MGMT: variants seen among roughly 807,000 people sequenced by gnomAD.
MGMT encodes methylated-DNA--protein-cysteine methyltransferase.
A neutral mutation model predicts 15.9 loss-of-function variants in MGMT; 14 were observed. That is an observed-to-expected ratio of 0.88 (90% CI 0.58 to 1.37). The LOEUF (loss-of-function observed/expected upper bound fraction) is 1.37, where lower values mean the gene tolerates loss of function less well. Among genes scored for constraint, MGMT ranks in the 40% most tolerant of loss-of-function variants. The pLI is 0.00. For synonymous variants in MGMT, 130 were observed against 118.2 expected (o/e 1.10, Z -0.65); for missense variants, 282 against 268.1 (o/e 1.05, Z -0.36).
At chr10:129,624,717 C>T (rs755151392) in intron 2 of MGMT, among the ~76,000 whole-genome samples, 6 of 152,320 alleles carry the variant, frequency 3.9e-5, no homozygotes, top group East Asian at 1.9e-4. Context: ...GCGAGGACTT[C>T]GGAAGTCAGT....
chr10:129,548,522 C>T (rs4751100), intron 2 of MGMT, among the ~76,000 whole-genome samples: 108,567 of 152,216 alleles, frequency 0.71, 39,174 homozygotes, highest in East Asian at 0.95. Context: ...CTGGGCCACT[C>T]ATTTCCTTCA....
intron 2 of MGMT, among the ~76,000 whole-genome samples, chr10:129,615,700 G>A (rs1847017199): frequency 6.6e-6 from 1 of 152,190 alleles, no homozygotes; most frequent in African/African-American, 2.4e-5. Flanking sequence ...GGTGTGGGCT[G>A]GGTGCATCTG....
chr10:129,615,861 C>G (rs756329886), intron 2 of MGMT, among the ~76,000 whole-genome samples: 4 of 152,080 alleles, frequency 2.6e-5, no homozygotes, highest in Non-Finnish European at 5.9e-5. Context: ...AAGAGCTGCC[C>G]ACGGCAGGGG....
intron 2 of MGMT, among the ~76,000 whole-genome samples, chr10:129,653,541 A>G (rs1589917073): frequency 6.6e-6 from 1 of 152,216 alleles, no homozygotes. Flanking sequence ...TGGGAGGGGT[A>G]ACGCCTGCAA....
intron 3 of MGMT, among the ~76,000 whole-genome samples, chr10:129,718,709 T>C (rs1243710219): frequency 1.3e-5 from 2 of 151,770 alleles, no homozygotes; most frequent in Non-Finnish European, 2.9e-5. Flanking sequence ...GTCACCTTCC[T>C]GGGCTGTCTA....
intron 2 of MGMT, among the ~76,000 whole-genome samples, chr10:129,679,318 C>T (rs923684183): frequency 2.0e-5 from 3 of 151,788 alleles, no homozygotes; most frequent in African/African-American, 7.3e-5. Context: ...TGGGACCCTG[C>T]GGGCTTCCAG....
intron 2 of MGMT, among the ~76,000 whole-genome samples, chr10:129,675,685 C>T (rs1305260404): frequency 2.0e-5 from 3 of 152,130 alleles, no homozygotes; most frequent in Admixed American, 2.0e-4. Context: ...CAGCATGTGT[C>T]AGAGATATGG....
intron 3 of MGMT, among the ~76,000 whole-genome samples, chr10:129,709,828 C>T (rs1318212627): frequency 6.6e-6 from 1 of 152,172 alleles, no homozygotes; most frequent in Non-Finnish European, 1.5e-5. Context: ...GAGTGGTGTG[C>T]TCTCAGGCAG....
At chr10:129,742,542 G>T (rs1036502569) in intron 3 of MGMT, among the ~76,000 whole-genome samples, 1 of 132,226 alleles carries the variant, frequency 7.6e-6, no homozygotes, top group Admixed American at 7.8e-5. Context: ...AGTGCCCCAC[G>T]GCTGCAGCGG....
At chr10:129,615,209 A>T (rs1236883305) in intron 2 of MGMT, among the ~76,000 whole-genome samples, 1 of 152,168 alleles carries the variant, frequency 6.6e-6, no homozygotes, top group African/African-American at 2.4e-5. Context: ...TCTAGAAATT[A>T]GGTTTGTTTT....
At chr10:129,575,787 G>A (rs1846474718) in intron 2 of MGMT, among the ~76,000 whole-genome samples, 1 of 152,096 alleles carries the variant, frequency 6.6e-6, no homozygotes, top group Non-Finnish European at 1.5e-5. Context: ...TAGACTGCTA[G>A]CAAGACTAAT....
chr10:129,641,166 C>A (rs1316025293), intron 2 of MGMT, among the ~76,000 whole-genome samples: 1 of 152,170 alleles, frequency 6.6e-6, no homozygotes, highest in Non-Finnish European at 1.5e-5. Context: ...AATTGCCTTT[C>A]TATATACTAG....
intron 3 of MGMT, among the ~76,000 whole-genome samples, chr10:129,746,751 G>C (rs1365108205): frequency 6.6e-6 from 1 of 152,152 alleles, no homozygotes; most frequent in African/African-American, 2.4e-5. Context: ...TGTATAGTAA[G>C]TCTTGAAACC....
intron 1 of MGMT, among the ~76,000 whole-genome samples, chr10:129,481,506 T>C (rs965704372): frequency 1.3e-5 from 2 of 152,230 alleles, no homozygotes; most frequent in African/African-American, 4.8e-5. Context: ...TTGTGTACCG[T>C]TAGCATTGTC....
At chr10:129,570,704 A>C (rs1283220455) in intron 2 of MGMT, among the ~76,000 whole-genome samples, 1 of 152,262 alleles carries the variant, frequency 6.6e-6, no homozygotes, top group Non-Finnish European at 1.5e-5. Context: ...GACTGAAAAA[A>C]ATTGACTATT....
chr10:129,505,613 A>G (rs928163764), intron 1 of MGMT, among the ~76,000 whole-genome samples: 2 of 152,136 alleles, frequency 1.3e-5, no homozygotes, highest in African/African-American at 4.8e-5. Context: ...TCTGCATCTG[A>G]TACATCCAGT....
chr10:129,739,966 G>A (rs528848238), intron 3 of MGMT, among the ~76,000 whole-genome samples: 5 of 152,344 alleles, frequency 3.3e-5, no homozygotes, highest in East Asian at 1.9e-4. Context: ...ATGTAAGGTC[G>A]TGTGGCCACT....
intron 3 of MGMT, among the ~76,000 whole-genome samples, chr10:129,743,942 C>G (rs1325903047): frequency 1.3e-5 from 2 of 152,180 alleles, no homozygotes; most frequent in Non-Finnish European, 2.9e-5. Flanking sequence ...GTGGAGGCCC[C>G]GCAGCGCTCA....
chr10:129,634,758 G>T (rs1278499415), intron 2 of MGMT, among the ~76,000 whole-genome samples: 1 of 151,556 alleles, frequency 6.6e-6, no homozygotes, highest in African/African-American at 2.4e-5. Flanking sequence ...TTAACTTTTT[G>T]CATCCTCGTC....
Sources: allele counts gnomAD v4.1 joint callset (sites outside exome capture counted in the v4.1 genomes callset), GRCh38; gene constraint gnomAD v4.1.1; transcripts MANE v1.5; gene names NCBI Gene and HGNC (gene_info 2026-07-23, HGNC 2026-07-21).